Variants in C2orf76 observed in about 807,000 individuals in gnomAD.
C2orf76 encodes the protein chromosome 2 open reading frame 76, also known as UPF0538 protein C2orf76.
Under a neutral mutation model 16.9 loss-of-function variants are expected in C2orf76, and 23 were observed. The observed-to-expected ratio is 1.36, with a 90% CI of 0.98 to 1.93. C2orf76 has a LOEUF of 1.93. Ranked by LOEUF, C2orf76 falls within the 30% of genes most tolerant of loss-of-function variation. The pLI, the probability that C2orf76 is intolerant of heterozygous loss-of-function variation, is 0.00. For synonymous variants in C2orf76, 48 were observed against 52.3 expected (o/e 0.92, Z 0.35); for missense variants, 152 against 152.6 (o/e 1.00, Z 0.02).
chr2:119,298,510 A>T (rs1678571858), downstream of C2orf76, among the ~76,000 whole-genome samples: 1 of 150,514 alleles, frequency 6.6e-6, no homozygotes. Flanking sequence ...GTAGGCAACC[A>T]CCCTTTCTTC....
intron 1 of C2orf76, among the ~76,000 whole-genome samples, chr2:119,356,706 G>C (rs2104643851): frequency 6.6e-6 from 1 of 151,918 alleles, no homozygotes; most frequent in East Asian, 1.9e-4. Flanking sequence ...TGAAAAAAGA[G>C]GTGGTTTTTT....
At chr2:119,316,039 T>C (rs982861583) in intron 4 of C2orf76, among the ~76,000 whole-genome samples, 1 of 152,262 alleles carries the variant, frequency 6.6e-6, no homozygotes, top group Non-Finnish European at 1.5e-5. Flanking sequence ...GAATGGAGAA[T>C]GGGGACTTGC....
intron 2 of C2orf76, among the ~76,000 whole-genome samples, chr2:119,330,782 G>C (rs1053103224): frequency 2.2e-5 from 3 of 137,752 alleles, no homozygotes; most frequent in Admixed American, 7.2e-5. Context: ...TTGTTTTGTT[G>C]CTATGTTTTC....
In C2orf76 at chr2:119,327,555, T is replaced by C. The variant is rs1180706057; in HGVS notation, c.134-6351A>G. ...TGCTCTCCATGCTATAATGGGTGCG[T>C]TCCTCCTCTATTAGTTCACGTGAGA... On this transcript the variant is annotated intron_variant, in intron 2 of 5. Transcript: ENST00000334816. Among the ~76,000 whole-genome samples the C allele has an allele frequency of 2.0e-5, 3 of 151,920 alleles. No individual in the cohort carries two copies. In the East Asian group the frequency reaches 5.8e-4, roughly 29 times the overall value.
At chr2:119,291,600 A>G in the C2orf76 span, among the ~76,000 whole-genome samples, 1 of 151,964 alleles carries the variant, frequency 6.6e-6, no homozygotes, top group Non-Finnish European at 1.5e-5. Flanking sequence ...TGGAAAATAA[A>G]AAACGAGTCC....
intron 4 of C2orf76, among the ~76,000 whole-genome samples, chr2:119,314,773 T>C (rs977265000): frequency 2.0e-5 from 3 of 152,228 alleles, no homozygotes; most frequent in Non-Finnish European, 2.9e-5. Context: ...GCATTAAATA[T>C]GTAAATTAAG....
At chr2:119,329,676 G>A (rs1661409257) in intron 2 of C2orf76, among the ~76,000 whole-genome samples, 1 of 151,888 alleles carries the variant, frequency 6.6e-6, no homozygotes, top group Non-Finnish European at 1.5e-5. Flanking sequence ...TTGCTTTGAG[G>A]TTTACAGTAA....
intron 5 of C2orf76, among the ~76,000 whole-genome samples, chr2:119,310,593 G>T (rs930808756): frequency 5.9e-5 from 9 of 152,154 alleles, no homozygotes; most frequent in Non-Finnish European, 1.2e-4. Context: ...CACTAACCGT[G>T]TTCCTTAACA....
chr2:119,362,031 T>C (rs1680762881), intron 1 of C2orf76, among the ~76,000 whole-genome samples: 1 of 152,090 alleles, frequency 6.6e-6, no homozygotes, highest in Admixed American at 6.5e-5. Context: ...CCAACTTCTA[T>C]TTTTTTCCAC....
At chr2:119,281,559 A>AAAAACAGT in the C2orf76 span, among the ~76,000 whole-genome samples, 1 of 152,154 alleles carries the variant, frequency 6.6e-6, no homozygotes, top group Non-Finnish European at 1.5e-5. Flanking sequence ...CAGAGAGAGA[A>AAAAACAGT]AAAACAGTTT....
At chr2:119,321,259 A>G in intron 2 of C2orf76, 55 bp from the exon 3 acceptor site, 1 of 936,102 alleles carries the variant, frequency 1.1e-6, no homozygotes, top group Non-Finnish European at 1.6e-6. Flanking sequence ...CTCATAGAAT[A>G]TGCACAGTCT....
chr2:119,343,873 T>C (rs1276646959), intron 1 of C2orf76, among the ~76,000 whole-genome samples: 1 of 152,214 alleles, frequency 6.6e-6, no homozygotes, highest in Non-Finnish European at 1.5e-5. Flanking sequence ...TCTCAATAAG[T>C]AGTAGCTGCT....
intron 5 of C2orf76, among the ~76,000 whole-genome samples, chr2:119,304,172 T>C (rs574987048): frequency 3.9e-5 from 6 of 152,318 alleles, no homozygotes; most frequent in Admixed American, 2.0e-4. Context: ...TAGATGTATA[T>C]AATTTGCAAG....
intron 2 of C2orf76, among the ~76,000 whole-genome samples, chr2:119,336,339 G>A (rs563433091): frequency 6.6e-5 from 10 of 152,196 alleles, no homozygotes; most frequent in South Asian, 6.2e-4. Context: ...GTTGTTAGCC[G>A]AGACCACGCC....
chr2:119,315,023 C>A (rs1180335284), intron 4 of C2orf76, among the ~76,000 whole-genome samples: 1 of 152,148 alleles, frequency 6.6e-6, no homozygotes, highest in Non-Finnish European at 1.5e-5. Flanking sequence ...GGAAGGACAG[C>A]AGCATTTTAA....
At chr2:119,352,807 G>T (rs1680445861) in intron 1 of C2orf76, among the ~76,000 whole-genome samples, 1 of 152,138 alleles carries the variant, frequency 6.6e-6, no homozygotes, top group Non-Finnish European at 1.5e-5. Flanking sequence ...TATATATATA[G>T]AGAGAGTGTA....
chr2:119,350,076 G>GCCCCCCCCCC (rs1344357904), intron 1 of C2orf76, among the ~76,000 whole-genome samples: 1 of 32,850 alleles, frequency 3.0e-5, no homozygotes, highest in Non-Finnish European at 6.9e-5. Flanking sequence ...ACCGCCCCCC[G>GCCCCCCCCCC]CCCCCCCACC....
intron 5 of C2orf76, among the ~76,000 whole-genome samples, chr2:119,304,134 C>CT (rs1412573032): frequency 2.0e-5 from 3 of 152,092 alleles, no homozygotes; most frequent in African/African-American, 7.2e-5. Flanking sequence ...CTGGGGTTTC[C>CT]TTTTTTGAAG....
chr2:119,364,730 TAACA>T (rs1680868884), intron 1 of C2orf76, among the ~76,000 whole-genome samples: 1 of 152,066 alleles, frequency 6.6e-6, no homozygotes, highest in Admixed American at 6.6e-5. Flanking sequence ...TTACGGTGGC[TAACA>T]AGGACATAAA....
Sources: allele counts gnomAD v4.1 joint callset (sites outside exome capture counted in the v4.1 genomes callset), GRCh38; gene constraint gnomAD v4.1.1; transcripts MANE v1.5; gene names NCBI Gene and HGNC (gene_info 2026-07-23, HGNC 2026-07-21).